INSR: variants seen among roughly 807,000 people sequenced by gnomAD.
INSR encodes the protein IR.
A neutral mutation model predicts 142.6 loss-of-function variants in INSR; 67 were observed. That is an observed-to-expected ratio of 0.47 (90% CI 0.39 to 0.58). The LOEUF (loss-of-function observed/expected upper bound fraction) is 0.58, where lower values mean the gene tolerates loss of function less well. Ranked by LOEUF, INSR falls within the 20% of genes least tolerant of loss-of-function variation. The probability of loss-of-function intolerance (pLI) is 0.00; values close to 1 mark genes in which losing one functional copy is unlikely to be tolerated. For synonymous variants in INSR, 756 were observed against 743.1 expected, an observed-to-expected ratio of 1.02 and a Z score of -0.28; for missense variants, 1,248 against 1,833.2, an observed-to-expected ratio of 0.68 and a Z score of 5.83.
intron 11 of INSR, among the ~76,000 whole-genome samples, chr19:7,146,345 G>A (rs190479860): frequency 1.1e-4 from 17 of 150,432 alleles, no homozygotes; most frequent in East Asian, 5.9e-4. Context: ...AGGTTCAAGC[G>A]ATTCTCCTGG....
intron 3 of INSR, among the ~76,000 whole-genome samples, chr19:7,177,799 G>A (rs780411979): frequency 4.8e-5 from 7 of 146,602 alleles, no homozygotes; most frequent in South Asian, 2.2e-4. Flanking sequence ...CACCCGCCTC[G>A]GCCTCCCAAA....
chr19:7,160,634 GAAGAAA>G (rs1408860438), intron 9 of INSR, among the ~76,000 whole-genome samples: 4 of 151,244 alleles, frequency 2.6e-5, no homozygotes, highest in East Asian at 2.0e-4. Flanking sequence ...TAAAAAAGAA[GAAGAAA>G]AAGAAAAAGA....
rs1183348348 is a variant in INSR at position 7,293,980 on chromosome 19, T to A, written c.-89A>T. On this transcript the variant is annotated 5_prime_UTR_variant, in exon 1 of 22. Transcript: ENST00000302850. ...TCCGAGGCGGCCACCCAAGAGGCGCTGGGGGCCGCGCGTCCTTCTCTTCCA... is the reference window on the plus strand; with the variant it reads ...TCCGAGGCGGCCACCCAAGAGGCGCAGGGGGCCGCGCGTCCTTCTCTTCCA... 5 of 1,120,432 alleles carry A rather than the reference T, an allele frequency of 4.5e-6. No individual in the cohort carries two copies. Among genetic ancestry groups the A allele is most frequent in the Admixed American group, 4.9e-5 (1 of 20,224 alleles). 69.4% of individuals were successfully genotyped at this position (1,120,432 alleles called of 1,614,324 possible).
At position 7,119,668 on chromosome 19, in the gene INSR, G is replaced by GCA. The variant is rs1043788178; in HGVS notation, c.3660-87_3660-86dup. ...CGCGCGCAAACACACACACGCAAACGCACACACACACGCAAACACACATGC... is the reference window on the plus strand; with the variant it reads ...CGCGCGCAAACACACACACGCAAACGCACACACACACACGCAAACACACATGC... On this transcript the variant is annotated intron_variant, in intron 20 of 21. Coordinates refer to ENST00000302850, the MANE Select transcript of INSR (RefSeq NM_000208.4). This position sits in a 1 kb window ranked among gnomAD's most constrained non-coding sequence, Gnocchi z 5.2. The GCA allele has an allele frequency of 1.2e-5, 17 of 1,439,002 alleles. No homozygotes were observed. Among genetic ancestry groups the GCA allele is most frequent in the Admixed American group, 5.2e-5 (3 of 57,818 alleles). The allele number at this position is 1,439,002 out of a possible 1,614,324, so 89.1% of individuals were successfully genotyped here. A position where few individuals can be genotyped will look rare whatever the true frequency, so the allele number is the denominator to read the frequency against.
chr19:7,274,435 G>T (rs963820789), intron 1 of INSR, among the ~76,000 whole-genome samples: 1 of 150,962 alleles, frequency 6.6e-6, no homozygotes, highest in Non-Finnish European at 1.5e-5. Flanking sequence ...TTCCCATGAC[G>T]CCTACGAGAT....
In INSR at chr19:7,114,024, C is replaced by A. The variant is rs1279814064; in HGVS notation, c.*3032G>T. On this transcript the variant is annotated 3_prime_UTR_variant, in exon 22 of 22. Transcript: ENST00000302850. ...CAGCTTGAGGTCAGTCAAACCCCAACACAGAGGTCCAAGGTGTTGTTGCAA... is the reference window on the plus strand; with the variant it reads ...CAGCTTGAGGTCAGTCAAACCCCAAAACAGAGGTCCAAGGTGTTGTTGCAA... The A allele has an allele frequency of 4.3e-5, 5 of 115,980 alleles. No homozygotes were observed. The highest frequency in any genetic ancestry group is 1.3e-4 in the African/African-American group (4 of 29,780). 7.2% of individuals were successfully genotyped at this position (115,980 alleles called of 1,614,324 possible). A position where few individuals can be genotyped will look rare whatever the true frequency, so the allele number is the denominator to read the frequency against.
At chr19:7,129,434 C>T (rs1972724937) in intron 14 of INSR, among the ~76,000 whole-genome samples, 2 of 152,196 alleles carry the variant, frequency 1.3e-5, no homozygotes, top group Non-Finnish European at 2.9e-5. Context: ...AAGTGATTCT[C>T]CTGCCTCAGC....
At chr19:7,197,487 G>C (rs1005073889) in intron 2 of INSR, among the ~76,000 whole-genome samples, 1 of 151,818 alleles carries the variant, frequency 6.6e-6, no homozygotes, top group Non-Finnish European at 1.5e-5. Flanking sequence ...AGCAGCCCCA[G>C]GATTGGCAGG....
intron 3 of INSR, among the ~76,000 whole-genome samples, chr19:7,175,988 T>C (rs1047278277): frequency 9.9e-5 from 15 of 152,098 alleles, no homozygotes; most frequent in Non-Finnish European, 2.2e-4. Context: ...GTGACAAGAC[T>C]CATATTTTAC....
At position 7,139,472 on chromosome 19, in the gene INSR, A is replaced by C. The variant is rs185128600; in HGVS notation, c.2682+2205T>G. Among the ~76,000 whole-genome samples, 162 of 152,352 alleles carry C rather than the reference A, an allele frequency of 1.1e-3. 1 individual carries two copies. The highest frequency in any genetic ancestry group is 3.8e-3 in the African/African-American group (157 of 41,586). ...AAATTCTATCTAGCAACTACAAATC[A>C]TAATTCCAAAGGCTATTGTGGACAG... On this transcript the variant is annotated intron_variant, in intron 13 of 21. Transcript: ENST00000302850.
rs139728681 is a variant in INSR, at chr19:7,158,964, G to A, written c.2029+4068C>T. Among the ~76,000 whole-genome samples the A allele has an allele frequency of 2.6e-5, 4 of 152,092 alleles. No homozygotes were observed. In the East Asian group the frequency reaches 7.7e-4, roughly 29 times the overall value. ...TGTTGCCAGGCTGGAGTGCAATGGC[G>A]TGATCTCGGCTCACTGCAACCTCTG... On this transcript the variant is annotated intron_variant, in intron 9 of 21. Coordinates refer to ENST00000302850, the MANE Select transcript of INSR (RefSeq NM_000208.4).
chr19:7,163,709 A>T lies in INSR; in HGVS notation c.1862-510T>A, dbSNP rs1464420050. 3.3e-5 allele frequency among the ~76,000 whole-genome samples: 5 copies of T among 151,896 alleles called. 1 individual carries two copies. Among genetic ancestry groups the T allele is most frequent in the Non-Finnish European group, 7.4e-5 (5 of 67,964 alleles). On this transcript the variant is annotated intron_variant, in intron 8 of 21. Transcript: ENST00000302850. Reference sequence around the variant, plus strand: ...GAGCTAGAAGTTTCTGAAAACTGTAAGTCTTTTGGTGTCACTAAAAGATAC... The same window carrying T: ...GAGCTAGAAGTTTCTGAAAACTGTATGTCTTTTGGTGTCACTAAAAGATAC...
rs1172057074 is a variant in INSR, at chr19:7,112,757, T to C, written c.*4299A>G. The stretch of plus-strand genomic sequence containing the variant: ...AGGTAAAAGTAAGCTCAAAAAGCCA[T>C]TGTGTCCCCTCCCCTCACTCCCATT... On this transcript the variant is annotated 3_prime_UTR_variant, in exon 22 of 22. Transcript: ENST00000302850. The C allele has an allele frequency of 6.6e-6, 1 of 151,972 alleles. No individual in the cohort carries two copies. The highest frequency in any genetic ancestry group is 2.4e-5 in the African/African-American group (1 of 41,370). 9.4% of individuals were successfully genotyped at this position (151,972 alleles called of 1,614,324 possible).
intron 2 of INSR, among the ~76,000 whole-genome samples, chr19:7,240,513 A>C (rs1330870130): frequency 6.6e-6 from 1 of 152,228 alleles, no homozygotes; most frequent in Non-Finnish European, 1.5e-5. Context: ...AGGTTGCAGT[A>C]AGCCAAGATT....
chr19:7,230,433 C>T (rs1975934028), intron 2 of INSR, among the ~76,000 whole-genome samples: 1 of 152,150 alleles, frequency 6.6e-6, no homozygotes, highest in African/African-American at 2.4e-5. Context: ...TAACAGTGTC[C>T]ACCTGGTGAG....
At chr19:7,274,982 T>TG (rs913142155) in intron 1 of INSR, among the ~76,000 whole-genome samples, 5 of 151,354 alleles carry the variant, frequency 3.3e-5, no homozygotes, top group African/African-American at 1.2e-4. Context: ...GCACTTTTTT[T>TG]TTTTTTGGTC....
chr19:7,254,035 A>AAAAAG (rs1555687742), intron 2 of INSR, among the ~76,000 whole-genome samples: 1 of 148,530 alleles, frequency 6.7e-6, no homozygotes, highest in Non-Finnish European at 1.5e-5. Context: ...TCTCAAAAAA[A>AAAAAG]AAAAGAAAAA....
intron 21 of INSR, among the ~76,000 whole-genome samples, chr19:7,118,914 CAAAAAAA>C (rs59739401): frequency 2.9e-5 from 2 of 68,894 alleles, no homozygotes; most frequent in African/African-American, 5.8e-5. Flanking sequence ...GATTCCGTCT[CAAAAAAA>C]AAAAAAAAAA....
At position 7,252,100 on chromosome 19, in the gene INSR, CCT is replaced by C. The variant is rs1220997265; in HGVS notation, c.652+15243_652+15244del. Among the ~76,000 whole-genome samples, 11 of 151,954 alleles carry C rather than the reference CCT, an allele frequency of 7.2e-5. No individual in the cohort carries two copies. In the East Asian group the frequency reaches 2.1e-3, roughly 29 times the overall value. ...ACCAGCCTGGCCAACATGGCGAAAC[CCT>C]GTCTCTACTGAAAATACAAAAATTT... is the stretch of plus-strand genomic sequence containing the variant. On this transcript the variant is annotated intron_variant, in intron 2 of 21. Transcript: ENST00000302850.
Sources: gnomAD v4.1 joint callset for allele counts (sites outside exome capture counted in the v4.1 genomes callset) on GRCh38, gnomAD v4.1.1 for gene constraint, Gnocchi (gnomAD v3.1) non-coding constraint, MANE v1.5 for transcripts, NCBI Gene and HGNC (gene_info 2026-07-23, HGNC 2026-07-21) for gene names.